RTEL1: variants seen among roughly 807,000 people sequenced by gnomAD.
RTEL1 encodes regulator of telomere elongation helicase 1, also known as regulator of telomere length.
A neutral mutation model predicts 162.2 loss-of-function variants in RTEL1; 86 were observed. The ratio of observed to expected loss-of-function variants is 0.53; its 90% CI spans 0.45 to 0.63. The LOEUF (loss-of-function observed/expected upper bound fraction) is 0.63, where lower values mean the gene tolerates loss of function less well. Ranked by LOEUF, RTEL1 falls within the 30% of genes least tolerant of loss-of-function variation. The pLI is 0.00. For synonymous variants in RTEL1, 958 were observed against 717.9 expected, an observed-to-expected ratio of 1.33 and a Z score of -5.35; for missense variants, 1,941 against 1,750.2, an observed-to-expected ratio of 1.11 and a Z score of -1.95.
At chr20:63,688,712 T>C (rs1023587679) in intron 21 of RTEL1, 107 bp downstream of exon 21, 1 of 968,872 alleles carries the variant, frequency 1.0e-6, no homozygotes, top group Non-Finnish European at 1.5e-6. Flanking sequence ...CTCCGGCGGC[T>C]CCCGCTGCCT....
chr20:63,668,273 A>C lies in RTEL1; in HGVS notation c.699+720A>C, dbSNP rs2090179857. On this transcript the variant is annotated intron_variant, in intron 8 of 34. Transcript: ENST00000360203. The surrounding 1 kb of genome is among the most constrained non-coding windows in gnomAD (Gnocchi z 4.3). ...CCACGGGTCAATGGTTTGTGTGTTC[A>C]CGTGACGATGGCGTGGTGACGTTTC... is the stretch of plus-strand genomic sequence containing the variant. 2.0e-5 allele frequency among the ~76,000 whole-genome samples: 3 copies of C among 152,016 alleles called. No homozygotes were observed. In the South Asian group the frequency reaches 6.3e-4, roughly 32 times the overall value.
intron 9 of RTEL1, 36 bp from the exon 10 acceptor site, chr20:63,673,904 C>T: frequency 6.3e-7 from 1 of 1,583,486 alleles, no homozygotes; most frequent in Non-Finnish European, 8.6e-7. Context: ...CGATCCTGTC[C>T]TGTTCTGTGG....
chr20:63,690,784 C>G, intron 26 of RTEL1, 21 bp from the exon 27 acceptor site: 1 of 1,589,414 alleles, frequency 6.3e-7, no homozygotes, highest in Non-Finnish European at 8.5e-7. Context: ...GGCTTCACTG[C>G]GCACTCGGGT....
At position 63,661,220 on chromosome 20, in the gene RTEL1, G is replaced by A. The variant is rs755020841; in HGVS notation, c.103-78G>A. On this transcript the variant is annotated intron_variant, in intron 2 of 34. Coordinates refer to ENST00000360203, the MANE Select transcript of RTEL1 (RefSeq NM_001283009.2). This position sits in a 1 kb window ranked among gnomAD's most constrained non-coding sequence, Gnocchi z 5.1. ...TGCAAAGAGCTGCCCGCTGGCTGCC[G>A]AAGCTTGTCTCAGGGCAGCTTGTGT... 29 of 1,391,716 alleles carry A rather than the reference G, an allele frequency of 2.1e-5. No individual in the cohort carries two copies. Among genetic ancestry groups the A allele is most frequent in the Middle Eastern group, 2.5e-4 (1 of 3,966 alleles). 86.2% of individuals were successfully genotyped at this position (1,391,716 alleles called of 1,614,324 possible).
In RTEL1 at chr20:63,696,205, CAG is replaced by C. The variant is rs2090977222; in HGVS notation, c.*348_*349del. 1.5e-5 allele frequency: 6 copies of C among 402,524 alleles called. No individual in the cohort carries two copies. The South Asian group carries it at 1.6e-4, about 10-fold the overall frequency. The allele number at this position is 402,524 out of a possible 1,614,324, so 24.9% of individuals were successfully genotyped here. ...CCGTGGGCACGTGTCCACTTTTAAT[CAG>C]GGGACAGGGCTCTCTAATAAAGCTG... On this transcript the variant is annotated 3_prime_UTR_variant, in exon 35 of 35. Transcript: ENST00000360203.
chr20:63,683,529 C>T (rs1005300121), intron 14 of RTEL1, among the ~76,000 whole-genome samples: 1 of 152,234 alleles, frequency 6.6e-6, no homozygotes, highest in East Asian at 1.9e-4. Flanking sequence ...CGCACGCACG[C>T]CTGCACAAAT....
Position 63,694,401 on chromosome 20 carries a change from G to C in RTEL1, c.3022G>C (p.Val1008Leu), listed in dbSNP as rs145335410. ...GRTAPDPKLTVSTAAAQQLDP... is the reference protein window; with the variant it reads ...GRTAPDPKLTLSTAAAQQLDP... ...AACGGCGCCGGATCCCAAGCTGACC[G>C]TGTCCACGGCTGCAGCCCAGCAGCT... The change falls in exon 31 of 35, where the codon GTG (valine) becomes CTG (leucine). Residue 1008 changes from valine to leucine, a missense_variant. By Grantham distance (32) the Val-to-Leu change is conservative. Coordinates refer to ENST00000360203, the MANE Select transcript of RTEL1 (RefSeq NM_001283009.2). 7 of 1,606,904 alleles carry C rather than the reference G, an allele frequency of 4.4e-6. No homozygotes were observed. In the East Asian group the frequency reaches 1.6e-4, roughly 36 times the overall value.
intron 6 of RTEL1, among the ~76,000 whole-genome samples, chr20:63,664,483 C>T (rs2090085489): frequency 6.6e-6 from 1 of 152,156 alleles, no homozygotes; most frequent in Non-Finnish European, 1.5e-5. Flanking sequence ...AGGCCTCTGA[C>T]TGCCTCCTGG....
At chr20:63,683,992 C>T (rs931164783) in intron 14 of RTEL1, among the ~76,000 whole-genome samples, 30 of 147,182 alleles carry the variant, frequency 2.0e-4, no homozygotes, top group Non-Finnish European at 4.5e-4. Context: ...CTTTCCTTGT[C>T]TCATGCTGGT....
At chr20:63,690,500 CGGG>C in intron 26 of RTEL1, 59 bp downstream of exon 26, 38 of 639,070 alleles carry the variant, frequency 5.9e-5, no homozygotes, top group Middle Eastern at 4.2e-4. Context: ...CGGCGTGGGG[CGGG>C]CAGCACCAGG....
intron 28 of RTEL1, 83 bp from the exon 29 acceptor site, chr20:63,692,722 C>A: frequency 7.4e-7 from 1 of 1,357,600 alleles, no homozygotes; most frequent in Non-Finnish European, 1.0e-6. Flanking sequence ...AGGGAACGCT[C>A]AATGTTCCAA....
At chr20:63,676,671 C>T (rs766908893) in intron 10 of RTEL1, among the ~76,000 whole-genome samples, 9 of 152,206 alleles carry the variant, frequency 5.9e-5, no homozygotes, top group Non-Finnish European at 1.3e-4. Context: ...TGTGCTGTCT[C>T]ACACCTGTCA....
intron 10 of RTEL1, among the ~76,000 whole-genome samples, chr20:63,675,692 C>T (rs895805423): frequency 4.6e-5 from 7 of 152,290 alleles, no homozygotes; most frequent in Admixed American, 1.3e-4. Flanking sequence ...AAGATTGCCA[C>T]GCAGGGAGTT....
intron 8 of RTEL1, among the ~76,000 whole-genome samples, chr20:63,671,052 GT>G (rs1025781040): frequency 6.6e-6 from 1 of 152,098 alleles, no homozygotes; most frequent in Non-Finnish European, 1.5e-5. Context: ...AGGACCTACT[GT>G]TTTTTGTGTT....
intron 2 of RTEL1, 85 bp downstream of exon 2, chr20:63,659,589 C>T (rs1452648928): frequency 9.7e-7 from 1 of 1,030,592 alleles, no homozygotes; most frequent in Non-Finnish European, 1.5e-6. Flanking sequence ...CGGCCCATTC[C>T]AGCCAGGCCC....
intron 8 of RTEL1, among the ~76,000 whole-genome samples, chr20:63,669,065 C>T (rs2090196309): frequency 6.6e-6 from 1 of 152,168 alleles, no homozygotes; most frequent in African/African-American, 2.4e-5. Flanking sequence ...CTCACTGCAG[C>T]CCCCGCCCCT....
Position 63,691,734 on chromosome 20 carries a change from C to T in RTEL1, c.2557-8C>T, listed in dbSNP as rs200385247. 10 of 1,611,452 alleles carry T rather than the reference C, an allele frequency of 6.2e-6. No individual in the cohort carries two copies. In the East Asian group the frequency reaches 2.2e-4, roughly 36 times the overall value. ...TCTGTGTGTGGTTGTGAGCTGTGTC[C>T]TCCTCAGGCCCACAGCTGCTCCACC... is the stretch of plus-strand genomic sequence containing the variant. On this transcript the variant is annotated splice_polypyrimidine_tract_variant and splice_region_variant and intron_variant, in intron 27 of 34. Transcript: ENST00000360203.
chr20:63,694,809 G>A lies in RTEL1; in HGVS notation c.3178G>A (p.Val1060Met), dbSNP rs116768542. The A allele has an allele frequency of 2.5e-5, 40 of 1,612,416 alleles. No individual in the cohort carries two copies. In the East Asian group the frequency reaches 2.9e-4, roughly 12 times the overall value. Residue 1060 changes from valine (V) to methionine (M), a missense_variant, in exon 32 of 35, where the codon GTG (valine) becomes ATG (methionine). By Grantham distance (21) the Val-to-Met change is conservative (BLOSUM62 1). Transcript: ENST00000360203. The stretch of plus-strand genomic sequence containing the variant: ...AGCAGGGAAGCAGGGCCAGCACGCC[G>A]TGAGCGCCTACCTGGCTGATGCCCG... ...PRAGKQGQHA[V>M]SAYLADARRA...
rs368444854 is a variant in RTEL1 at position 63,674,570 on chromosome 20, G to A, written c.919+477G>A. Among the ~76,000 whole-genome samples, 162 of 152,178 alleles carry A rather than the reference G, an allele frequency of 1.1e-3. 6 individuals are homozygous for A. The South Asian group carries it at 0.033, about 31-fold the overall frequency. On this transcript the variant is annotated intron_variant, in intron 10 of 34. Coordinates refer to ENST00000360203, the MANE Select transcript of RTEL1 (RefSeq NM_001283009.2). The stretch of plus-strand genomic sequence containing the variant: ...CAAAAAATTAGCCAGGTGTGGTGGT[G>A]TGCTCCTGTGGTCCAAGCTTTTCCG...
Sources: gnomAD v4.1 joint callset for allele counts (sites outside exome capture counted in the v4.1 genomes callset) on GRCh38, gnomAD v4.1.1 for gene constraint, Gnocchi (gnomAD v3.1) non-coding constraint, MANE v1.5 for transcripts, NCBI Gene and HGNC (gene_info 2026-07-23, HGNC 2026-07-21) for gene names.